Variants in VPS11 observed in about 807,000 individuals in gnomAD.
VPS11 encodes the protein vacuolar protein sorting-associated protein 11 homolog.
A neutral mutation model predicts 106.8 loss-of-function variants in VPS11; 51 were observed. The observed-to-expected ratio is 0.48, with a 90% CI of 0.38 to 0.60. The LOEUF (loss-of-function observed/expected upper bound fraction) is 0.60, where lower values mean the gene tolerates loss of function less well. VPS11 is among the 20% of genes least tolerant of loss of function. The pLI, the probability that VPS11 is intolerant of heterozygous loss-of-function variation, is 0.00. For synonymous variants in VPS11, 453 were observed against 458.7 expected (o/e 0.99, Z 0.16); for missense variants, 950 against 1,190.0 (o/e 0.80, Z 2.97).
rs1396529770 is a variant in VPS11, at chr11:119,079,237, G to A, written c.2375G>A (p.Arg792Gln). 29 of 1,610,116 alleles carry A rather than the reference G, an allele frequency of 1.8e-5. No individual in the cohort carries two copies. The highest frequency in any genetic ancestry group is 4.0e-5 in the African/African-American group (3 of 74,832). ...QSQQIAQDEL[R>Q]VRRYREETTR... ...CAGCAGATTGCACAGGATGAGCTGC[G>A]GGTGCGGCGGTACCGAGAGGAGACC... The change falls in exon 14 of 16, where the codon CGG (arginine) becomes CAG (glutamine). Residue 792 changes from arginine (R) to glutamine (Q), a missense_variant. Arg to Gln is a conservative substitution (Grantham distance 43). This residue lies in a region of VPS11 where 453 missense variants were observed against 514.6 expected (regional missense o/e 0.88). Coordinates refer to ENST00000621676, the MANE Select transcript of VPS11 (RefSeq NM_021729.6).
At chr11:119,073,681 C>G in intron 6 of VPS11, 119 bp from the exon 7 acceptor site, 1 of 1,175,982 alleles carries the variant, frequency 8.5e-7, no homozygotes, top group Non-Finnish European at 1.2e-6. Context: ...CTTGGTTTGT[C>G]TAGGATCTAG....
chr11:119,074,385 G>GT (rs564943181), intron 7 of VPS11, among the ~76,000 whole-genome samples: 156 of 151,618 alleles, frequency 1.0e-3, no homozygotes, highest in Admixed American at 3.9e-3. Flanking sequence ...TGCGCCCGGT[G>GT]TTTTTTTCTT....
intron 1 of VPS11, 130 bp downstream of exon 1, chr11:119,068,140 G>A (rs1258098717): frequency 1.0e-5 from 11 of 1,068,502 alleles, no homozygotes; most frequent in Non-Finnish European, 1.4e-5. Context: ...GAGTTGTTCT[G>A]TGGTCTACGG....
Position 119,078,709 on chromosome 11 carries a change from G to A in VPS11, c.2063+5G>A. The A allele has an allele frequency of 6.2e-7, 1 of 1,610,698 alleles. No homozygotes were observed. Among genetic ancestry groups the A allele is most frequent in the Non-Finnish European group, 8.5e-7 (1 of 1,177,860 alleles). On this transcript the variant is annotated splice_donor_5th_base_variant and intron_variant, in intron 12 of 15. Coordinates refer to ENST00000621676, the MANE Select transcript of VPS11 (RefSeq NM_021729.6). ...CCTTTATGAGCAGGGGAAGCTGTAA[G>A]AGTTTGGGGAATTTCAGGGAAAGGG... is the stretch of plus-strand genomic sequence containing the variant.
In VPS11 at chr11:119,081,093, C is replaced by T. The variant is rs1376082673; in HGVS notation, c.2440C>T (p.Pro814Ser). The change falls in exon 15 of 16, where the codon CCT becomes TCT. Residue 814 changes from proline to serine, a missense_variant and splice_region_variant. By Grantham distance (74) the Pro-to-Ser change is moderately conservative. Coordinates refer to ENST00000621676, the MANE Select transcript of VPS11 (RefSeq NM_021729.6). ...ACTTCTGGTCTTTCTTCCCTGTAGT[C>T]CTAAGATTTTCCAAAAGACCAAGTG... ...RQEIQELKAS[P>S]KIFQKTKCSI... The T allele has an allele frequency of 5.0e-6, 8 of 1,613,794 alleles. No homozygotes were observed. Among genetic ancestry groups the T allele is most frequent in the Non-Finnish European group, 5.9e-6 (7 of 1,179,692 alleles).
Position 119,081,532 on chromosome 11 carries a change from T to C in VPS11, c.2735T>C (p.Leu912Pro). 1 of 1,614,026 alleles carries C rather than the reference T, an allele frequency of 6.2e-7. No individual in the cohort carries two copies. Among genetic ancestry groups the C allele is most frequent in the Non-Finnish European group, 8.5e-7 (1 of 1,179,896 alleles). The change falls in exon 16 of 16, where the codon CTG (leucine) becomes CCG (proline). Residue 912 changes from leucine (L) to proline (P), a missense_variant. By Grantham distance (98) the Leu-to-Pro change is moderately conservative. Transcript: ENST00000621676. ...AGAGGTGTTTTCAACAAATTGACTCTGCTGACCGACCCTCCCACAGCCAGA... is the reference window on the plus strand; with the variant it reads ...AGAGGTGTTTTCAACAAATTGACTCCGCTGACCGACCCTCCCACAGCCAGA... The part of the protein sequence containing the change: ...FGRGVFNKLT[L>P]LTDPPTARLT...
At chr11:119,075,996 G>A (rs1945600550) in intron 7 of VPS11, among the ~76,000 whole-genome samples, 1 of 152,046 alleles carries the variant, frequency 6.6e-6, no homozygotes, top group Non-Finnish European at 1.5e-5. Flanking sequence ...GGGAGGCTGA[G>A]GTGGGCGGAT....
At chr11:119,073,758 A>G (rs955410679) in intron 6 of VPS11, 42 bp from the exon 7 acceptor site, 2 of 1,589,726 alleles carry the variant, frequency 1.3e-6, no homozygotes, top group Admixed American at 1.7e-5. Context: ...GTGTCTTCCC[A>G]GGACCACTTC....
chr11:119,070,886 G>GTGAGCC (rs1260808616), intron 4 of VPS11: 1 of 151,014 alleles, frequency 6.6e-6, no homozygotes, highest in Non-Finnish European at 1.5e-5. Context: ...GATTACAGGC[G>GTGAGCC]TGAGCCACCG....
Position 119,070,298 on chromosome 11 carries a change from C to G in VPS11, c.537C>G (p.Thr179=). Residue 179 remains threonine, a synonymous_variant, in exon 4 of 16, where the codon ACC becomes ACG. Coordinates refer to ENST00000621676, the MANE Select transcript of VPS11 (RefSeq NM_021729.6). ...TCACCCGGGACCGGCATAGCAAGAC[C>G]CAGATTTTGCACAAGGGCAACTATC... ...GDITRDRHSK[T]QILHKGNYPV... The G allele has an allele frequency of 6.2e-7, 1 of 1,613,158 alleles. No homozygotes were observed. The highest frequency in any genetic ancestry group is 1.1e-5 in the South Asian group (1 of 90,916).
At chr11:119,072,822 AG>A (rs1315959381) in intron 5 of VPS11, 6 of 175,476 alleles carry the variant, frequency 3.4e-5, no homozygotes, top group Admixed American at 2.4e-4. Flanking sequence ...TATTTTTTTA[AG>A]GGGTAAGTGG....
Position 119,078,024 on chromosome 11 carries a change from C to T in VPS11, c.1719C>T (p.Pro573=), listed in dbSNP as rs892472430. The change falls in exon 10 of 16, where the codon CCC becomes CCT. Residue 573 remains proline, a synonymous_variant. Coordinates refer to ENST00000621676, the MANE Select transcript of VPS11 (RefSeq NM_021729.6). ...AGGGACTTTGTACTGATTATCGGCC[C>T]AGCCTCGAAGGCCGCAGCGATAGGG... The part of the protein sequence containing the change: ...LLKGLCTDYR[P]SLEGRSDREA... The T allele has an allele frequency of 6.2e-7, 1 of 1,612,880 alleles. No individual in the cohort carries two copies. The highest frequency in any genetic ancestry group is 1.3e-5 in the African/African-American group (1 of 74,932).
In VPS11 at chr11:119,073,153, A is replaced by G. The variant is rs782291910; in HGVS notation, c.885-45A>G. 5 of 1,571,438 alleles carry G rather than the reference A, an allele frequency of 3.2e-6. 1 individual carries two copies. The Middle Eastern group carries it at 5.1e-4, about 162-fold the overall frequency. ...CATGGGAAAGGAAATAGGGGAGATA[A>G]GACAGAGATGTCCAAACATCTGGTG... On this transcript the variant is annotated intron_variant, in intron 5 of 15. Coordinates refer to ENST00000621676, the MANE Select transcript of VPS11 (RefSeq NM_021729.6).
At position 119,067,914 on chromosome 11, in the gene VPS11, G is replaced by A. The variant is rs2133639698; in HGVS notation, c.91G>A (p.Ala31Thr). Residue 31 changes from alanine (A) to threonine (T), a missense_variant, in exon 1 of 16, where the codon GCC becomes ACC. Around this residue, in one of 3 missense-constraint regions of VPS11, gnomAD observed 62 missense variants for 45.1 expected, o/e 1.37. Transcript: ENST00000621676. The stretch of plus-strand genomic sequence containing the variant: ...GAGCAATGATGGGGCCGCTCCCGGG[G>A]CCACACCTGCTTCTGGATCCGCTGC... ...PLSNDGAAPG[A>T]TPASGSAASK... 11 of 1,608,480 alleles carry A rather than the reference G, an allele frequency of 6.8e-6. No individual in the cohort carries two copies. The highest frequency in any genetic ancestry group is 9.3e-6 in the Non-Finnish European group (11 of 1,177,466).
Position 119,078,004 on chromosome 11 carries a change from C to A in VPS11, c.1699C>A (p.Leu567Ile), listed in dbSNP as rs1246176613. 6.2e-7 allele frequency: 1 copy of A among 1,613,596 alleles called. No individual in the cohort carries two copies. The highest frequency in any genetic ancestry group is 1.3e-5 in the African/African-American group (1 of 74,934). Residue 567 changes from leucine (L) to isoleucine (I), a missense_variant, in exon 10 of 16, where the codon CTT (leucine) becomes ATT (isoleucine). Physicochemically the swap from Leu to Ile is conservative, Grantham distance 5 (BLOSUM62 2). Around this residue, in one of 3 missense-constraint regions of VPS11, gnomAD observed 453 missense variants for 514.6 expected, o/e 0.88. Coordinates refer to ENST00000621676, the MANE Select transcript of VPS11 (RefSeq NM_021729.6). ...GCAGACAACTCAGTTGCTGAAGGGA[C>A]TTTGTACTGATTATCGGCCCAGCCT... is the stretch of plus-strand genomic sequence containing the variant. ...PEQTTQLLKG[L>I]CTDYRPSLEG...
chr11:119,077,787 G>C, intron 9 of VPS11, 91 bp from the exon 10 acceptor site: 1 of 1,564,112 alleles, frequency 6.4e-7, no homozygotes, highest in South Asian at 1.2e-5. Flanking sequence ...GCAGAGCCCT[G>C]TCGTTTTTGA....
intron 4 of VPS11, among the ~76,000 whole-genome samples, chr11:119,070,942 T>TTTCC (rs35007847): frequency 7.1e-6 from 1 of 141,196 alleles, no homozygotes; most frequent in African/African-American, 2.8e-5. Flanking sequence ...TTTTTTTTTT[T>TTTCC]CTTTGAGACA....
At position 119,071,804 on chromosome 11, in the gene VPS11, A is replaced by G. The variant is rs782358639; in HGVS notation, c.845A>G (p.Tyr282Cys). The G allele has an allele frequency of 3.7e-6, 6 of 1,613,764 alleles. No homozygotes were observed. The highest frequency in any genetic ancestry group is 4.2e-6 in the Non-Finnish European group (5 of 1,179,822). The change falls in exon 5 of 16, where the codon TAC becomes TGC. Residue 282 changes from tyrosine to cysteine, a missense_variant. This residue lies in a region of VPS11 where 435 missense variants were observed against 630.2 expected (regional missense o/e 0.69). Transcript: ENST00000621676. ...HKLIAHWFRG[Y>C]LIIVSRDRKV... ...CTCATTGCCCACTGGTTTAGAGGCTACCTTATCATTGTCTCCCGTGACCGG... is the reference window on the plus strand; with the variant it reads ...CTCATTGCCCACTGGTTTAGAGGCTGCCTTATCATTGTCTCCCGTGACCGG...
chr11:119,081,189 T>G lies in VPS11; in HGVS notation c.2536T>G (p.Cys846Gly), dbSNP rs34757931. ...FLCGHSFHQH[C>G]FESYSESDAD... ...GTGTGGCCACTCCTTCCACCAACAC[T>G]GCTTTGAGAGTTACTCGGAAAGTGA... Residue 846 changes from cysteine (C) to glycine (G), a missense_variant, in exon 15 of 16, where the codon TGC (cysteine) becomes GGC (glycine). Physicochemically the swap from Cys to Gly is radical, Grantham distance 159. Transcript: ENST00000621676. 5.3e-5 allele frequency: 85 copies of G among 1,613,916 alleles called. No individual in the cohort carries two copies. Among genetic ancestry groups the G allele is most frequent in the Non-Finnish European group, 9.3e-6 (11 of 1,179,902 alleles).
Sources: gnomAD v4.1 joint callset for allele counts (sites outside exome capture counted in the v4.1 genomes callset) on GRCh38, gnomAD v4.1.1 for gene constraint, gnomAD v4.1.1 regional missense constraint, MANE v1.5 for transcripts, NCBI Gene and HGNC (gene_info 2026-07-23, HGNC 2026-07-21) for gene names.